Variants in KLRF2 observed in about 807,000 individuals in gnomAD.
KLRF2 encodes killer cell lectin-like receptor subfamily F member 2.
A neutral mutation model predicts 25.3 loss-of-function variants in KLRF2; 28 were observed. That is an observed-to-expected ratio of 1.11 (90% CI 0.82 to 1.52). The LOEUF (loss-of-function observed/expected upper bound fraction) is 1.52, where lower values mean the gene tolerates loss of function less well. Among genes scored for constraint, KLRF2 ranks in the 40% most tolerant of loss-of-function variants. The pLI, the probability that KLRF2 is intolerant of heterozygous loss-of-function variation, is 0.00. For missense variants in KLRF2, 265 were observed against 245.8 expected (o/e 1.08, Z -0.52); for synonymous variants, 73 against 85.0 (o/e 0.86, Z 0.78).
chr12:9,887,202 C>G lies in KLRF2; in HGVS notation c.170-1531C>G, dbSNP rs141713033. On this transcript the variant is annotated intron_variant, in intron 2 of 5. Transcript: ENST00000535540. Reference sequence around the variant, plus strand: ...CAAGAGTAAAAGCAAAACCAAAAAACATGAGTTTTCAGCTTACAAGAACCC... The same window carrying G: ...CAAGAGTAAAAGCAAAACCAAAAAAGATGAGTTTTCAGCTTACAAGAACCC... 8.1e-3 allele frequency among the ~76,000 whole-genome samples: 1,227 copies of G among 151,940 alleles called. 27 individuals carry two copies. The highest frequency in any genetic ancestry group is 0.028 in the African/African-American group (1,145 of 41,442).
At position 9,888,126 on chromosome 12, in the gene KLRF2, A is replaced by T. The variant is rs559585959; in HGVS notation, c.170-607A>T. Among the ~76,000 whole-genome samples, 3 of 151,588 alleles carry T rather than the reference A, an allele frequency of 2.0e-5. No homozygotes were observed. In the South Asian group the frequency reaches 6.2e-4, roughly 32 times the overall value. On this transcript the variant is annotated intron_variant, in intron 2 of 5. Coordinates refer to ENST00000535540, the MANE Select transcript of KLRF2 (RefSeq NM_001190765.1). ...AAAAAAAGAAAACAGAATGTCAATTAAAAAGTCCAGTGAAAAAAATAATAT... is the reference window on the plus strand; with the variant it reads ...AAAAAAAGAAAACAGAATGTCAATTTAAAAGTCCAGTGAAAAAAATAATAT...
intron 1 of KLRF2, 137 bp downstream of exon 1, chr12:9,881,802 T>C: frequency 1.5e-6 from 1 of 689,178 alleles, no homozygotes; most frequent in Non-Finnish European, 2.4e-6. Flanking sequence ...GTCTGTTAGA[T>C]TATTTAGATT....
intron 5 of KLRF2, among the ~76,000 whole-genome samples, chr12:9,895,150 T>C (rs1334846722): frequency 2.6e-5 from 4 of 152,200 alleles, no homozygotes; most frequent in Non-Finnish European, 5.9e-5. Context: ...TTAAACAAAA[T>C]CTTGGGCGAC....
intron 1 of KLRF2, among the ~76,000 whole-genome samples, chr12:9,884,431 A>G (rs903823856): frequency 2.6e-5 from 4 of 151,682 alleles, no homozygotes; most frequent in African/African-American, 9.7e-5. Flanking sequence ...TGACTGGTAT[A>G]TAATAGAATT....
chr12:9,889,749 T>C (rs1178200880), intron 3 of KLRF2, among the ~76,000 whole-genome samples: 1 of 151,872 alleles, frequency 6.6e-6, no homozygotes, highest in Admixed American at 6.6e-5. Flanking sequence ...TCCAATACGG[T>C]AATACAGTGT....
rs1862700329 is a variant in KLRF2 at position 9,893,111 on chromosome 12, A to G, written c.309A>G (p.Gln103=). The G allele has an allele frequency of 1.3e-6, 2 of 1,535,864 alleles. No individual in the cohort carries two copies. Among genetic ancestry groups the G allele is most frequent in the Admixed American group, 2.0e-5 (1 of 51,004 alleles). Residue 103 remains glutamine (Q), a synonymous_variant, in exon 4 of 6, where the codon CAA becomes CAG. Coordinates refer to ENST00000535540, the MANE Select transcript of KLRF2 (RefSeq NM_001190765.1). ...STSFKTWKES[Q]RDCTQLQAHL... Reference sequence around the variant, plus strand: ...CTTTTAAAACGTGGAAAGAGAGTCAACGTGATTGTACACAGCTACAGGCAC... The same window carrying G: ...CTTTTAAAACGTGGAAAGAGAGTCAGCGTGATTGTACACAGCTACAGGCAC...
At chr12:9,885,874 T>C (rs1862591124) in intron 2 of KLRF2, among the ~76,000 whole-genome samples, 1 of 152,080 alleles carries the variant, frequency 6.6e-6, no homozygotes. Context: ...TGAATCTATC[T>C]AAGTAGGTAT....
chr12:9,895,822 A>T lies in KLRF2; in HGVS notation c.613A>T (p.Ser205Cys). 1 of 1,532,176 alleles carries T rather than the reference A, an allele frequency of 6.5e-7. No individual in the cohort carries two copies. The highest frequency in any genetic ancestry group is 1.2e-5 in the South Asian group (1 of 83,106). 94.9% of individuals were successfully genotyped at this position (1,532,176 alleles called of 1,614,324 possible). The change falls in exon 6 of 6, where the codon AGT (serine) becomes TGT (cysteine). Residue 205 changes from serine (S) to cysteine (C), a missense_variant. Coordinates refer to ENST00000535540, the MANE Select transcript of KLRF2 (RefSeq NM_001190765.1). ...RDAILTHNGT[S>C]GV ...TGCGATCTTGACGCACAATGGAACCAGTGGTGTGTAAATGTACAACCAAAC... is the reference window on the plus strand; with the variant it reads ...TGCGATCTTGACGCACAATGGAACCTGTGGTGTGTAAATGTACAACCAAAC...
chr12:9,894,066 T>G (rs1862722497), intron 5 of KLRF2, among the ~76,000 whole-genome samples: 1 of 151,964 alleles, frequency 6.6e-6, no homozygotes, highest in Non-Finnish European at 1.5e-5. Context: ...CTTTCTCTTT[T>G]TTCTTTCTCT....
At chr12:9,882,605 C>A (rs1209785059) in intron 1 of KLRF2, among the ~76,000 whole-genome samples, 1 of 152,024 alleles carries the variant, frequency 6.6e-6, no homozygotes, top group Admixed American at 6.6e-5. Context: ...TGGTGAAACC[C>A]CGTCTCTACT....
chr12:9,890,849 TG>T (rs536091114), intron 3 of KLRF2, among the ~76,000 whole-genome samples: 72 of 152,340 alleles, frequency 4.7e-4, no homozygotes, highest in African/African-American at 1.6e-3. Context: ...GCTGGACCTA[TG>T]GGGTCATTTT....
At chr12:9,891,303 A>T (rs1205837820) in intron 3 of KLRF2, among the ~76,000 whole-genome samples, 3 of 152,310 alleles carry the variant, frequency 2.0e-5, no homozygotes, top group South Asian at 4.1e-4. Context: ...TGTTTTTCTC[A>T]ATTTTCATCC....
At chr12:9,894,474 TCC>T (rs1392888399) in intron 5 of KLRF2, among the ~76,000 whole-genome samples, 1 of 152,086 alleles carries the variant, frequency 6.6e-6, no homozygotes, top group Non-Finnish European at 1.5e-5. Flanking sequence ...GAGCCACCAC[TCC>T]CAGCCTGATA....
At chr12:9,882,807 C>T (rs1868109269) in intron 1 of KLRF2, among the ~76,000 whole-genome samples, 1 of 151,966 alleles carries the variant, frequency 6.6e-6, no homozygotes, top group African/African-American at 2.4e-5. Flanking sequence ...ATTATTCAGA[C>T]CCTAAAGCCC....
intron 2 of KLRF2, among the ~76,000 whole-genome samples, chr12:9,885,546 T>C (rs1270082028): frequency 6.6e-6 from 1 of 151,764 alleles, no homozygotes; most frequent in Admixed American, 6.6e-5. Flanking sequence ...GAAATAGATT[T>C]TGGGGGCTTT....
At chr12:9,892,906 A>G in intron 3 of KLRF2, 114 bp from the exon 4 acceptor site, 1 of 1,003,454 alleles carries the variant, frequency 1.0e-6, no homozygotes, top group East Asian at 2.7e-5. Flanking sequence ...TATTGACCAA[A>G]AAAAAAAAAA....
chr12:9,882,218 T>C (rs1419696333), intron 1 of KLRF2, among the ~76,000 whole-genome samples: 1 of 151,946 alleles, frequency 6.6e-6, no homozygotes, highest in Non-Finnish European at 1.5e-5. Context: ...AGCCAAGACC[T>C]AAGTTAAGAT....
intron 5 of KLRF2, among the ~76,000 whole-genome samples, chr12:9,895,347 A>C (rs1862744921): frequency 6.6e-6 from 1 of 152,222 alleles, no homozygotes; most frequent in Admixed American, 6.5e-5. Flanking sequence ...AGGGAGAGAT[A>C]ATGGTAGCTT....
intron 2 of KLRF2, among the ~76,000 whole-genome samples, chr12:9,886,898 TGA>T (rs1862605453): frequency 6.6e-6 from 1 of 151,248 alleles, no homozygotes; most frequent in Admixed American, 6.6e-5. Context: ...GGTTTTGGAG[TGA>T]GAGAGGGGAG....
Sources: gnomAD v4.1 joint callset for allele counts (sites outside exome capture counted in the v4.1 genomes callset) on GRCh38, gnomAD v4.1.1 for gene constraint, MANE v1.5 for transcripts, NCBI Gene and HGNC (gene_info 2026-07-23, HGNC 2026-07-21) for gene names.